The following HEG1 variants were observed in gnomAD, a reference collection of about 807,000 sequenced individuals.
HEG1 encodes the protein protein HEG homolog 1.
HEG1 carries 56 observed loss-of-function variants against 125.6 expected under a neutral mutation model. The observed-to-expected ratio is 0.45, with a 90% CI of 0.36 to 0.56. The LOEUF is 0.56. HEG1 is among the 20% of genes least tolerant of loss of function. The pLI is 0.00. For missense variants in HEG1, 1,523 were observed against 1,670.0 expected, an observed-to-expected ratio of 0.91 and a Z score of 1.53; for synonymous variants, 644 against 668.5, an observed-to-expected ratio of 0.96 and a Z score of 0.57.
intron 1 of HEG1, among the ~76,000 whole-genome samples, chr3:125,050,666 A>G (rs1937785497): frequency 6.6e-6 from 1 of 152,122 alleles, no homozygotes; most frequent in Non-Finnish European, 1.5e-5. Context: ...GCTTTTTACA[A>G]TCTTGATGTG....
intron 14 of HEG1, among the ~76,000 whole-genome samples, chr3:124,979,915 T>C (rs1019218485): frequency 6.6e-6 from 1 of 152,222 alleles, no homozygotes; most frequent in African/African-American, 2.4e-5. Flanking sequence ...ACAATTTTCC[T>C]ATCCTTTTAT....
chr3:124,990,694 G>T, intron 14 of HEG1, 93 bp downstream of exon 14: 1 of 1,213,358 alleles, frequency 8.2e-7, no homozygotes, highest in Non-Finnish European at 1.2e-6. Flanking sequence ...CAGCAGGTGT[G>T]AACTGAGGGA....
chr3:125,033,217 G>A (rs966979183), intron 1 of HEG1, among the ~76,000 whole-genome samples: 1 of 152,144 alleles, frequency 6.6e-6, no homozygotes, highest in African/African-American at 2.4e-5. Flanking sequence ...CAAATCTGAG[G>A]CCAAAAATGA....
chr3:125,043,556 TTGC>T (rs1937618766), intron 1 of HEG1, among the ~76,000 whole-genome samples: 1 of 152,192 alleles, frequency 6.6e-6, no homozygotes, highest in South Asian at 2.1e-4. Context: ...GGCACCTTCC[TTGC>T]TGCCTCCATT....
At chr3:124,997,655 C>T (rs199698955) in intron 12 of HEG1, 34 bp downstream of exon 12, 20 of 1,540,978 alleles carry the variant, frequency 1.3e-5, no homozygotes, top group South Asian at 3.9e-5. Flanking sequence ...AGTCCCAGGA[C>T]TGGGCACAGA....
At chr3:125,004,269 C>T (rs886379528) in intron 9 of HEG1, among the ~76,000 whole-genome samples, 2 of 152,180 alleles carry the variant, frequency 1.3e-5, no homozygotes, top group African/African-American at 2.4e-5. Context: ...TAACTCTTAT[C>T]CACAAAGAAC....
intron 5 of HEG1, among the ~76,000 whole-genome samples, chr3:125,016,267 G>A (rs529554995): frequency 6.6e-6 from 1 of 152,300 alleles, no homozygotes; most frequent in Non-Finnish European, 1.5e-5. Flanking sequence ...TAAAAGGCCG[G>A]AGTGCAGAAC....
intron 12 of HEG1, among the ~76,000 whole-genome samples, chr3:124,992,202 C>T (rs561466963): frequency 9.9e-5 from 15 of 152,220 alleles, no homozygotes; most frequent in African/African-American, 1.2e-4. Context: ...GTGTGCTAAT[C>T]GGCACCTTGC....
Position 125,013,675 on chromosome 3 carries a change from G to A in HEG1, c.1904C>T (p.Ser635Phe). The A allele has an allele frequency of 6.2e-7, 1 of 1,613,868 alleles. No homozygotes were observed. The highest frequency in any genetic ancestry group is 1.1e-5 in the South Asian group (1 of 91,032). ...CGGCATATTAATGGTGGGTGTGTAGGACGGAAGGTTGGATGTATGCAGAAC... is the reference window on the plus strand; with the variant it reads ...CGGCATATTAATGGTGGGTGTGTAGAACGGAAGGTTGGATGTATGCAGAAC... Reference protein sequence around the residue: ...SPVLHTSNLPSYTPTINMPNT... With the variant: ...SPVLHTSNLPFYTPTINMPNT... Residue 635 changes from serine (S) to phenylalanine (F), a missense_variant, in exon 6 of 17, where the codon TCC becomes TTC. Transcript: ENST00000311127.
intron 15 of HEG1, among the ~76,000 whole-genome samples, chr3:124,975,342 A>AT (rs1364502696): frequency 7.2e-5 from 11 of 152,166 alleles, no homozygotes; most frequent in African/African-American, 2.7e-4. Context: ...AGAGGTCATA[A>AT]TTTTCCCTTA....
intron 8 of HEG1, among the ~76,000 whole-genome samples, chr3:125,006,432 G>C (rs369946792): frequency 1.3e-5 from 2 of 152,040 alleles, no homozygotes; most frequent in African/African-American, 4.8e-5. Flanking sequence ...CTTTCCCTCC[G>C]GATGGAAAAC....
intron 1 of HEG1, among the ~76,000 whole-genome samples, chr3:125,031,372 C>T (rs912939382): frequency 5.3e-5 from 8 of 152,146 alleles, no homozygotes; most frequent in African/African-American, 1.9e-4. Context: ...AATTTGGAAT[C>T]CAATATCAAA....
At chr3:125,053,436 T>C (rs1937859716) in intron 1 of HEG1, among the ~76,000 whole-genome samples, 1 of 152,196 alleles carries the variant, frequency 6.6e-6, no homozygotes, top group Non-Finnish European at 1.5e-5. Flanking sequence ...CCTAGATCCT[T>C]GGCCATATGA....
intron 14 of HEG1, among the ~76,000 whole-genome samples, chr3:124,978,675 G>A (rs1314815152): frequency 6.6e-6 from 1 of 152,024 alleles, no homozygotes; most frequent in Non-Finnish European, 1.5e-5. Context: ...TTTATCATGT[G>A]TAAATTATGC....
intron 11 of HEG1, among the ~76,000 whole-genome samples, chr3:125,001,358 T>C (rs1470685272): frequency 1.3e-5 from 2 of 152,018 alleles, no homozygotes; most frequent in African/African-American, 4.8e-5. Context: ...CAATCATAGC[T>C]CATTGCAGCC....
chr3:125,014,246 A>C (rs2107701310), intron 5 of HEG1, among the ~76,000 whole-genome samples: 1 of 152,302 alleles, frequency 6.6e-6, no homozygotes, highest in East Asian at 1.9e-4. Context: ...TGGTAACAAA[A>C]GAGAAGTGGG....
At chr3:124,993,458 G>A (rs1936864635) in intron 12 of HEG1, among the ~76,000 whole-genome samples, 1 of 152,130 alleles carries the variant, frequency 6.6e-6, no homozygotes, top group Non-Finnish European at 1.5e-5. Flanking sequence ...CTTCTCTAAG[G>A]AGGCAGCTGA....
chr3:124,987,523 CTTT>C (rs1204657705), intron 14 of HEG1, among the ~76,000 whole-genome samples: 5 of 136,168 alleles, frequency 3.7e-5, no homozygotes, highest in East Asian at 2.1e-4. Flanking sequence ...TTCTTTTTTT[CTTT>C]TTTTTTTTTT....
At chr3:125,037,161 G>A (rs747676439) in intron 1 of HEG1, among the ~76,000 whole-genome samples, 16 of 152,298 alleles carry the variant, frequency 1.1e-4, no homozygotes, top group African/African-American at 3.8e-4. Context: ...ACACTATACT[G>A]TCAAATGCAA....
Sources: allele counts gnomAD v4.1 joint callset (sites outside exome capture counted in the v4.1 genomes callset), GRCh38; gene constraint gnomAD v4.1.1; transcripts MANE v1.5; gene names NCBI Gene and HGNC (gene_info 2026-07-23, HGNC 2026-07-21).